C1orf21: variants seen among roughly 807,000 people sequenced by gnomAD.
The protein encoded by C1orf21 is chromosome 1 open reading frame 21.
A neutral mutation model predicts 18.7 loss-of-function variants in C1orf21; 3 were observed. The observed-to-expected ratio is 0.16, with a 90% CI of 0.07 to 0.42. The LOEUF (loss-of-function observed/expected upper bound fraction) is 0.42, where lower values mean the gene tolerates loss of function less well. Among genes scored for constraint, C1orf21 ranks in the 10% least tolerant of loss-of-function variants. The pLI is 0.99. For missense variants in C1orf21, 104 were observed against 143.6 expected (o/e 0.72, Z 1.41); for synonymous variants, 41 against 46.4 (o/e 0.88, Z 0.47).
Position 184,440,281 on chromosome 1 carries a change from C to T in C1orf21, c.-124-37105C>T, listed in dbSNP as rs1236468477. On this transcript the variant is annotated intron_variant, in intron 1 of 5. Coordinates refer to ENST00000235307, the MANE Select transcript of C1orf21 (RefSeq NM_030806.4). ...TTTTTGAGACGGAGTCTTGCTCTGT[C>T]ACCCAGGCTGGAGTGCAGTGGCACA... 2.0e-5 allele frequency among the ~76,000 whole-genome samples: 3 copies of T among 152,258 alleles called. No individual in the cohort carries two copies. The East Asian group carries it at 5.8e-4, about 29-fold the overall frequency.
At chr1:184,487,251 C>T (rs11588764) in intron 2 of C1orf21, among the ~76,000 whole-genome samples, 25,195 of 152,182 alleles carry the variant, frequency 0.17, 2,371 homozygotes, top group Admixed American at 0.28. Flanking sequence ...CCCTACCTGG[C>T]CCCTGGGCCT....
At chr1:184,560,571 C>G (rs1658948984) in intron 3 of C1orf21, among the ~76,000 whole-genome samples, 1 of 152,076 alleles carries the variant, frequency 6.6e-6, no homozygotes, top group African/African-American at 2.4e-5. Context: ...TCTTGTAAAA[C>G]CTAATTAGCT....
At chr1:184,398,421 A>G (rs1009152450) in intron 1 of C1orf21, among the ~76,000 whole-genome samples, 1 of 152,138 alleles carries the variant, frequency 6.6e-6, no homozygotes, top group Non-Finnish European at 1.5e-5. Context: ...TTTAATTGTC[A>G]ACTCCCAGCC....
chr1:184,455,446 C>T (rs563616440), intron 1 of C1orf21, among the ~76,000 whole-genome samples: 2 of 152,272 alleles, frequency 1.3e-5, no homozygotes, highest in Non-Finnish European at 1.5e-5. Context: ...GTATCCCAGT[C>T]CTGTTGGTCC....
chr1:184,618,829 T>A (rs539095510), intron 5 of C1orf21, among the ~76,000 whole-genome samples: 1 of 152,314 alleles, frequency 6.6e-6, no homozygotes, highest in African/African-American at 2.4e-5. Flanking sequence ...ACAAGCCAGC[T>A]CGGTTAAATG....
chr1:184,588,486 T>C (rs1558009294), intron 3 of C1orf21, among the ~76,000 whole-genome samples: 1 of 152,100 alleles, frequency 6.6e-6, no homozygotes, highest in African/African-American at 2.4e-5. Flanking sequence ...AGCATGGAGT[T>C]TGGGGCCAAA....
At chr1:184,579,596 C>T (rs562895513) in intron 3 of C1orf21, among the ~76,000 whole-genome samples, 1 of 150,358 alleles carries the variant, frequency 6.7e-6, no homozygotes, top group African/African-American at 2.4e-5. Flanking sequence ...CTGCAACCTC[C>T]ACCTCCTGGG....
rs1047616131 is a variant in C1orf21 at position 184,572,832 on chromosome 1, A to G, written c.190-17907A>G. Among the ~76,000 whole-genome samples, 6 of 152,142 alleles carry G rather than the reference A, an allele frequency of 3.9e-5. No individual in the cohort carries two copies. The South Asian group carries it at 6.2e-4, about 16-fold the overall frequency. ...CCACGCATGGTGGCATGCACCTGTA[A>G]TCTCAGCTACTCAGGAGGCTGAGGC... is the stretch of plus-strand genomic sequence containing the variant. On this transcript the variant is annotated intron_variant, in intron 3 of 5. Coordinates refer to ENST00000235307, the MANE Select transcript of C1orf21 (RefSeq NM_030806.4).
chr1:184,577,947 G>GTTTTGTTTTTTTT (rs1571285782), intron 3 of C1orf21, among the ~76,000 whole-genome samples: 9 of 86,752 alleles, frequency 1.0e-4, no homozygotes, highest in African/African-American at 1.7e-4. Flanking sequence ...TTTTTGTTTT[G>GTTTTGTTTTTTTT]TTTTTGTTTT....
At chr1:184,452,351 TGTGAGA>T (rs2101980181) in intron 1 of C1orf21, among the ~76,000 whole-genome samples, 2 of 152,258 alleles carry the variant, frequency 1.3e-5, no homozygotes, top group East Asian at 3.9e-4. Flanking sequence ...CAGGTGTGAG[TGTGAGA>T]ACAATTCTTT....
At chr1:184,482,474 G>A (rs1657672598) in intron 2 of C1orf21, among the ~76,000 whole-genome samples, 1 of 152,228 alleles carries the variant, frequency 6.6e-6, no homozygotes, top group Non-Finnish European at 1.5e-5. Flanking sequence ...ATTGTTGGGA[G>A]CCGTCTTTGG....
At chr1:184,548,251 A>T (rs955840793) in intron 3 of C1orf21, among the ~76,000 whole-genome samples, 1 of 147,088 alleles carries the variant, frequency 6.8e-6, no homozygotes, top group Admixed American at 6.7e-5. Flanking sequence ...ACACACACAC[A>T]CACACTCACA....
At position 184,394,881 on chromosome 1, in the gene C1orf21, G is replaced by A. The variant is rs1283861406; in HGVS notation, c.-125+7513G>A. Among the ~76,000 whole-genome samples the A allele has an allele frequency of 3.9e-5, 6 of 152,192 alleles. No homozygotes were observed. In the East Asian group the frequency reaches 1.2e-3, roughly 29 times the overall value. ...ACATCTCTTGAGTTGCTTAGTAGTT[G>A]CTGAAAATTCAGATATTCTGGTTTG... On this transcript the variant is annotated intron_variant, in intron 1 of 5. Transcript: ENST00000235307.
intron 2 of C1orf21, among the ~76,000 whole-genome samples, chr1:184,496,506 T>C (rs549559189): frequency 2.6e-5 from 4 of 152,326 alleles, no homozygotes; most frequent in Admixed American, 1.3e-4. Context: ...ACCCACTGGC[T>C]TGATCAGGTG....
intron 5 of C1orf21, among the ~76,000 whole-genome samples, chr1:184,600,545 TC>T (rs1274787057): frequency 6.6e-6 from 1 of 152,210 alleles, no homozygotes; most frequent in Non-Finnish European, 1.5e-5. Context: ...AAATCTGAGA[TC>T]CCCTTTTGCT....
chr1:184,613,024 C>G (rs139970584), intron 5 of C1orf21, among the ~76,000 whole-genome samples: 2 of 152,082 alleles, frequency 1.3e-5, no homozygotes, highest in Non-Finnish European at 2.9e-5. Context: ...GATCTTGACT[C>G]ACTGCAACCT....
At chr1:184,547,958 G>GGA (rs1442161607) in intron 3 of C1orf21, among the ~76,000 whole-genome samples, 1 of 152,100 alleles carries the variant, frequency 6.6e-6, no homozygotes, top group Non-Finnish European at 1.5e-5. Context: ...CGGTGGCACT[G>GGA]GCTGCTGTCC....
chr1:184,433,394 G>A (rs769210043), intron 1 of C1orf21, among the ~76,000 whole-genome samples: 5 of 152,254 alleles, frequency 3.3e-5, no homozygotes, highest in Middle Eastern at 3.4e-3. Flanking sequence ...AGTGTCATCT[G>A]TATGCCTGTC....
chr1:184,461,958 C>T (rs1657313007), intron 1 of C1orf21, among the ~76,000 whole-genome samples: 5 of 152,096 alleles, frequency 3.3e-5, no homozygotes, highest in Admixed American at 3.3e-4. Flanking sequence ...ATGAAGGACC[C>T]TTAACTAGAA....
Sources: gnomAD v4.1 joint callset for allele counts (sites outside exome capture counted in the v4.1 genomes callset) on GRCh38, gnomAD v4.1.1 for gene constraint, MANE v1.5 for transcripts, NCBI Gene and HGNC (gene_info 2026-07-23, HGNC 2026-07-21) for gene names.